Variants in DNAH8 observed in about 807,000 individuals in gnomAD.
DNAH8 encodes the protein dynein axonemal heavy chain 8, also known as axonemal beta dynein heavy chain 8.
A neutral mutation model predicts 562.1 loss-of-function variants in DNAH8; 382 were observed. The ratio of observed to expected loss-of-function variants is 0.68; its 90% CI spans 0.63 to 0.74. The LOEUF (loss-of-function observed/expected upper bound fraction) is 0.74, where lower values mean the gene tolerates loss of function less well. Among genes scored for constraint, DNAH8 ranks in the 30% least tolerant of loss-of-function variants. The probability of loss-of-function intolerance (pLI) is 0.00; values close to 1 mark genes in which losing one functional copy is unlikely to be tolerated. For synonymous variants in DNAH8, 1,881 were observed against 1,919.4 expected (o/e 0.98, Z 0.52); for missense variants, 5,203 against 5,620.4 (o/e 0.93, Z 2.37).
In DNAH8 at chr6:38,971,580, C is replaced by T. The variant is rs1471703218; in HGVS notation, c.12452-12C>T. On this transcript the variant is annotated splice_polypyrimidine_tract_variant and intron_variant, in intron 82 of 92. Transcript: ENST00000327475. ...TGTGTTTCATCATAGTGAACTTTCT[C>T]CTATGTTACAGAATGTAGAACTATC... is the stretch of plus-strand genomic sequence containing the variant. The T allele has an allele frequency of 6.6e-6, 10 of 1,515,086 alleles. No individual in the cohort carries two copies. In the African/African-American group the frequency reaches 7.0e-5, roughly 11 times the overall value. 93.9% of individuals were successfully genotyped at this position (1,515,086 alleles called of 1,614,324 possible).
At chr6:38,811,493 A>G (rs1381845505) in intron 24 of DNAH8, among the ~76,000 whole-genome samples, 2 of 152,190 alleles carry the variant, frequency 1.3e-5, no homozygotes, top group Non-Finnish European at 2.9e-5. Context: ...AGATTTTGTC[A>G]TCTGTGGCAT....
intron 14 of DNAH8, among the ~76,000 whole-genome samples, chr6:38,779,550 A>G (rs991141782): frequency 1.1e-4 from 16 of 152,296 alleles, no homozygotes; most frequent in African/African-American, 3.9e-4. Flanking sequence ...TTAAATGGTT[A>G]TATGGAATTA....
rs1193882884 is a variant in DNAH8, at chr6:38,791,548, C to G, written c.2782-7C>G. On this transcript the variant is annotated splice_polypyrimidine_tract_variant and splice_region_variant and intron_variant, in intron 20 of 92. Coordinates refer to ENST00000327475, the MANE Select transcript of DNAH8 (RefSeq NM_001206927.2). ...GTTTTTTTTTCTTACATTTTTCTTC[C>G]TTGTAGATCAGTGACTTGTGTGAAA... The G allele has an allele frequency of 4.4e-6, 7 of 1,601,340 alleles. No individual in the cohort carries two copies. The highest frequency in any genetic ancestry group is 1.7e-4 in the Middle Eastern group (1 of 6,012).
chr6:38,929,591 C>T lies in DNAH8; in HGVS notation c.11199C>T (p.Asp3733=), dbSNP rs764824244. 1.2e-6 allele frequency: 2 copies of T among 1,606,828 alleles called. No homozygotes were observed. The highest frequency in any genetic ancestry group is 1.1e-5 in the South Asian group (1 of 90,822). The part of the protein sequence containing the change: ...LSLGRPLLIE[D]IHEELDPALD... ...TGGGCCGACCCCTTCTCATTGAGGA[C>T]ATTCATGAAGAGCTGGATCCAGCCT... The change falls in exon 75 of 93, where the codon GAC becomes GAT. Residue 3733 remains aspartate, a synonymous_variant. Coordinates refer to ENST00000327475, the MANE Select transcript of DNAH8 (RefSeq NM_001206927.2).
Position 38,918,126 on chromosome 6 carries a change from G to T in DNAH8, c.10510G>T (p.Val3504Leu). 6.2e-7 allele frequency: 1 copy of T among 1,607,744 alleles called. No individual in the cohort carries two copies. The highest frequency in any genetic ancestry group is 8.5e-7 in the Non-Finnish European group (1 of 1,176,796). ...AATATTTTATGGCATCAATAGAGAA[G>T]TGTTGCCTCTGAAGGTAAAAGTTTC... Reference protein sequence around the residue: ...MAIFYGINREVLPLKANLAKQ... With the variant: ...MAIFYGINRELLPLKANLAKQ... Residue 3504 changes from valine to leucine, a missense_variant, in exon 70 of 93, where the codon GTG becomes TTG. This residue lies in a region of DNAH8 where 1,399 missense variants were observed against 1,518.4 expected (regional missense o/e 0.92). Transcript: ENST00000327475.
At chr6:38,851,134 T>C (rs73731144) in intron 38 of DNAH8, among the ~76,000 whole-genome samples, 1,570 of 152,320 alleles carry the variant, frequency 0.01, 23 homozygotes, top group African/African-American at 0.035. Context: ...GGCAGTTCAT[T>C]TTCAATCTCT....
intron 50 of DNAH8, 48 bp downstream of exon 50, chr6:38,872,830 A>G: frequency 6.2e-7 from 1 of 1,608,604 alleles, no homozygotes; most frequent in Non-Finnish European, 8.5e-7. Flanking sequence ...CTAGCGTATT[A>G]ACACAGTATT....
intron 11 of DNAH8, among the ~76,000 whole-genome samples, chr6:38,767,291 G>A (rs112438983): frequency 0.02 from 3,058 of 152,192 alleles, 116 homozygotes; most frequent in African/African-American, 0.07. Flanking sequence ...ACAAAAATTA[G>A]CTGGGTGTGG....
chr6:39,020,022 CGA>C (rs1222447064), intron 91 of DNAH8, among the ~76,000 whole-genome samples: 11 of 151,600 alleles, frequency 7.3e-5, no homozygotes, highest in South Asian at 2.1e-4. Flanking sequence ...GAAAGGTTTG[CGA>C]GAGAGGGGAG....
intron 91 of DNAH8, among the ~76,000 whole-genome samples, chr6:39,020,310 C>A (rs564738223): frequency 6.6e-5 from 10 of 152,134 alleles, no homozygotes; most frequent in Non-Finnish European, 1.3e-4. Context: ...TCCCACTTGT[C>A]AAACTTGTTC....
intron 57 of DNAH8, 115 bp downstream of exon 57, chr6:38,887,119 G>T (rs565315669): frequency 3.3e-5 from 23 of 702,728 alleles, no homozygotes; most frequent in Admixed American, 3.1e-4. Flanking sequence ...TATGTGAAAT[G>T]GAGAGCTAAA....
chr6:38,734,347 T>G, intron 4 of DNAH8, 127 bp from the exon 5 acceptor site: 6 of 864,608 alleles, frequency 6.9e-6, no homozygotes, highest in East Asian at 8.8e-5. Flanking sequence ...AAAAAATTAT[T>G]CTATGACCGT....
At chr6:38,778,856 T>C (rs1768309788) in intron 14 of DNAH8, among the ~76,000 whole-genome samples, 1 of 152,198 alleles carries the variant, frequency 6.6e-6, no homozygotes, top group Admixed American at 6.5e-5. Flanking sequence ...AAACTTTCCA[T>C]TTTCCCTCCT....
At chr6:38,944,802 T>C (rs1783721401) in intron 79 of DNAH8, among the ~76,000 whole-genome samples, 1 of 152,180 alleles carries the variant, frequency 6.6e-6, no homozygotes, top group South Asian at 2.1e-4. Context: ...TCAATAAATA[T>C]TTGTTCAATC....
chr6:38,935,540 G>A (rs962550599), intron 76 of DNAH8, 52 bp from the exon 77 acceptor site: 17 of 1,309,478 alleles, frequency 1.3e-5, no homozygotes, highest in South Asian at 1.1e-4. Flanking sequence ...TGGGTTTACT[G>A]TAATAACTGG....
rs1229285570 is a variant in DNAH8 at position 39,030,692 on chromosome 6, T to G, written c.*300T>G. Among the ~76,000 whole-genome samples the G allele has an allele frequency of 6.6e-6, 1 of 152,206 alleles. No individual in the cohort carries two copies. Among genetic ancestry groups the G allele is most frequent in the Non-Finnish European group, 1.5e-5 (1 of 68,034 alleles). On this transcript the variant is annotated 3_prime_UTR_variant, in exon 93 of 93. Coordinates refer to ENST00000327475, the MANE Select transcript of DNAH8 (RefSeq NM_001206927.2). ...TTGGAAGCTCTGAATTTTAAAAATT[T>G]GAAAGTGTTGATATGTGACATCCTA...
chr6:38,737,363 T>A, intron 6 of DNAH8, 107 bp downstream of exon 6: 1 of 633,076 alleles, frequency 1.6e-6, no homozygotes, highest in Non-Finnish European at 2.3e-6. Context: ...TTAATCCAAG[T>A]AATTATGAGA....
intron 54 of DNAH8, 50 bp downstream of exon 54, chr6:38,883,102 C>T (rs370100981): frequency 1.7e-4 from 251 of 1,467,158 alleles, no homozygotes; most frequent in East Asian, 3.6e-4. Context: ...TCCATGGCCA[C>T]GGGAATATGC....
chr6:38,832,878 G>T (rs1163138942), intron 31 of DNAH8, among the ~76,000 whole-genome samples: 1 of 151,950 alleles, frequency 6.6e-6, no homozygotes, highest in Admixed American at 6.6e-5. Context: ...CAACTTTGGA[G>T]ATTGTGGAAG....
Sources: gnomAD v4.1 joint callset for allele counts (sites outside exome capture counted in the v4.1 genomes callset) on GRCh38, gnomAD v4.1.1 for gene constraint, gnomAD v4.1.1 regional missense constraint, MANE v1.5 for transcripts, NCBI Gene and HGNC (gene_info 2026-07-23, HGNC 2026-07-21) for gene names.